The following ATP8A2 variants were observed in gnomAD, a reference collection of about 807,000 sequenced individuals.
The protein encoded by ATP8A2 is phospholipid-transporting ATPase IB.
Under a neutral mutation model 165.6 loss-of-function variants are expected in ATP8A2, and 100 were observed. That is an observed-to-expected ratio of 0.60 (90% CI 0.51 to 0.71). The LOEUF is 0.71. Ranked by LOEUF, ATP8A2 falls within the 30% of genes least tolerant of loss-of-function variation. ATP8A2 has a pLI of 0.00. For missense variants in ATP8A2, 1,227 were observed against 1,479.5 expected, an observed-to-expected ratio of 0.83 and a Z score of 2.80; for synonymous variants, 543 against 548.8, an observed-to-expected ratio of 0.99 and a Z score of 0.15.
intron 28 of ATP8A2, among the ~76,000 whole-genome samples, chr13:25,836,254 G>A (rs1004521365): frequency 1.3e-5 from 2 of 152,108 alleles, no homozygotes; most frequent in Non-Finnish European, 2.9e-5. Context: ...ACAGCTCTTA[G>A]CACAAGTAAC....
chr13:25,464,811 A>G (rs2035592884), intron 1 of ATP8A2, among the ~76,000 whole-genome samples: 1 of 152,220 alleles, frequency 6.6e-6, no homozygotes. Context: ...CCTCTTATGT[A>G]TTCATTTGAC....
chr13:25,812,817 C>A (rs370690113), intron 27 of ATP8A2, among the ~76,000 whole-genome samples: 3 of 152,146 alleles, frequency 2.0e-5, no homozygotes, highest in East Asian at 3.9e-4. Context: ...CTAGCAAAGA[C>A]ACGGAATCAA....
chr13:25,420,348 G>T (rs2034264071), intron 1 of ATP8A2, among the ~76,000 whole-genome samples: 1 of 152,260 alleles, frequency 6.6e-6, no homozygotes. Flanking sequence ...AGACAAGGAT[G>T]AAGTGGGACC....
chr13:25,897,101 G>A (rs1346990054), intron 33 of ATP8A2, among the ~76,000 whole-genome samples: 4 of 152,124 alleles, frequency 2.6e-5, no homozygotes, highest in South Asian at 2.1e-4. Context: ...TATTTTGCTC[G>A]TTAGTTGATG....
intron 27 of ATP8A2, among the ~76,000 whole-genome samples, chr13:25,818,249 A>G (rs1019842419): frequency 1.3e-5 from 2 of 152,152 alleles, no homozygotes; most frequent in Non-Finnish European, 2.9e-5. Flanking sequence ...TCTTAAAAGG[A>G]TCCCTTGGCA....
chr13:25,670,761 C>A (rs2042247309), intron 24 of ATP8A2, among the ~76,000 whole-genome samples: 2 of 152,284 alleles, frequency 1.3e-5, no homozygotes, highest in South Asian at 2.1e-4. Context: ...TACTTGCAGT[C>A]CAGCTATGTG....
intron 33 of ATP8A2, among the ~76,000 whole-genome samples, chr13:25,895,796 T>C (rs1367871469): frequency 6.6e-6 from 1 of 152,230 alleles, no homozygotes; most frequent in Non-Finnish European, 1.5e-5. Flanking sequence ...ATCCATTTCT[T>C]CTAGATTTTC....
At chr13:25,773,393 G>T (rs889533020) in intron 26 of ATP8A2, among the ~76,000 whole-genome samples, 1 of 152,134 alleles carries the variant, frequency 6.6e-6, no homozygotes, top group Non-Finnish European at 1.5e-5. Context: ...TCCCTCCAGC[G>T]CAAGGTTTAC....
rs1211748533 is a variant in ATP8A2 at position 25,469,020 on chromosome 13, G to A, written c.120G>A (p.Glu40=). 5 of 1,614,098 alleles carry A rather than the reference G, an allele frequency of 3.1e-6. No homozygotes were observed. The highest frequency in any genetic ancestry group is 3.3e-4 in the Middle Eastern group (2 of 6,062). Residue 40 remains glutamate (E), a synonymous_variant, in exon 2 of 37, where the codon GAG becomes GAA. Coordinates refer to ENST00000381655, the MANE Select transcript of ATP8A2 (RefSeq NM_016529.6). ...SSLGYKKAED[E]MSRATSVGDQ... The stretch of plus-strand genomic sequence containing the variant: ...TGGGCTATAAGAAGGCAGAGGATGA[G>A]ATGTCCCGGGCCACGTCTGTTGGAG...
chr13:25,756,173 C>T (rs1035909405), intron 25 of ATP8A2, among the ~76,000 whole-genome samples: 14 of 151,576 alleles, frequency 9.2e-5, no homozygotes, highest in Non-Finnish European at 1.9e-4. Flanking sequence ...GCTCCTACTC[C>T]AGGTGTAGCA....
At chr13:25,584,588 T>C (rs2039868422) in intron 23 of ATP8A2, among the ~76,000 whole-genome samples, 1 of 152,202 alleles carries the variant, frequency 6.6e-6, no homozygotes, top group Non-Finnish European at 1.5e-5. Context: ...TTTTAATATT[T>C]ACATATGAAC....
intron 2 of ATP8A2, among the ~76,000 whole-genome samples, chr13:25,508,340 TAG>T (rs1481775180): frequency 6.6e-6 from 1 of 152,202 alleles, no homozygotes; most frequent in Non-Finnish European, 1.5e-5. Context: ...ATCGATCTCC[TAG>T]AATTAAACTC....
intron 34 of ATP8A2, among the ~76,000 whole-genome samples, chr13:25,965,103 G>T (rs1389109600): frequency 6.6e-6 from 1 of 152,154 alleles, no homozygotes; most frequent in Non-Finnish European, 1.5e-5. Flanking sequence ...AGGTTGCAGT[G>T]AGCCGAGATC....
intron 24 of ATP8A2, among the ~76,000 whole-genome samples, chr13:25,675,664 T>A (rs1191894415): frequency 6.6e-6 from 1 of 152,164 alleles, no homozygotes; most frequent in African/African-American, 2.4e-5. Context: ...TTCTGGAAGA[T>A]CTGGGCTTTA....
rs973974780 is a variant in ATP8A2 at position 25,542,851 on chromosome 13, A to G, written c.780-440A>G. On this transcript the variant is annotated intron_variant, in intron 9 of 36. Coordinates refer to ENST00000381655, the MANE Select transcript of ATP8A2 (RefSeq NM_016529.6). ...CATTAAGTCATCCTTAAAAAAATTG[A>G]TATGATAGGTTGCTGCTTTTTAAAA... 2.6e-5 allele frequency among the ~76,000 whole-genome samples: 4 copies of G among 152,238 alleles called. No homozygotes were observed. The East Asian group carries it at 7.7e-4, about 29-fold the overall frequency.
At chr13:25,918,999 C>G (rs1028185696) in intron 33 of ATP8A2, among the ~76,000 whole-genome samples, 1 of 152,100 alleles carries the variant, frequency 6.6e-6, no homozygotes, top group Admixed American at 6.5e-5. Flanking sequence ...CATGTGATCC[C>G]CAAAAGTAGA....
intron 24 of ATP8A2, among the ~76,000 whole-genome samples, chr13:25,621,742 T>G (rs1273821614): frequency 1.3e-5 from 2 of 152,174 alleles, no homozygotes; most frequent in Admixed American, 6.5e-5. Flanking sequence ...AATTGGAAAT[T>G]GTAGAGGAAA....
intron 25 of ATP8A2, among the ~76,000 whole-genome samples, chr13:25,736,698 A>C (rs930381990): frequency 1.9e-4 from 29 of 152,218 alleles, no homozygotes; most frequent in Admixed American, 3.9e-4. Context: ...CTCTGTTCCA[A>C]TAAAACTTTA....
chr13:25,545,318 C>T (rs1210515102), intron 10 of ATP8A2, among the ~76,000 whole-genome samples: 1 of 152,066 alleles, frequency 6.6e-6, no homozygotes, highest in Admixed American at 6.5e-5. Flanking sequence ...CTGCTAGGTC[C>T]TTATCCATTC....
Sources: gnomAD v4.1 joint callset for allele counts (sites outside exome capture counted in the v4.1 genomes callset) on GRCh38, gnomAD v4.1.1 for gene constraint, MANE v1.5 for transcripts, NCBI Gene and HGNC (gene_info 2026-07-23, HGNC 2026-07-21) for gene names.